Variants in CCNK observed in about 807,000 individuals in gnomAD.
The protein encoded by CCNK is cyclin-K.
In CCNK, 9 loss-of-function variants were observed where a neutral mutation model predicts 65.0. The observed-to-expected ratio is 0.14, with a 90% confidence interval of 0.08 to 0.24. The LOEUF (loss-of-function observed/expected upper bound fraction) is 0.24, where lower values mean the gene tolerates loss of function less well. CCNK is among the 10% of genes least tolerant of loss of function. CCNK has a pLI of 1.00. For missense variants in CCNK, 474 were observed against 720.0 expected, an observed-to-expected ratio of 0.66 and a Z score of 3.91; for synonymous variants, 279 against 270.8, an observed-to-expected ratio of 1.03 and a Z score of -0.30.
At chr14:99,481,815 C>G (rs1020931938) in intron 1 of CCNK, among the ~76,000 whole-genome samples, 1 of 152,234 alleles carries the variant, frequency 6.6e-6, no homozygotes, top group Non-Finnish European at 1.5e-5. Flanking sequence ...GTCTCACAGC[C>G]ACAGACTTCT....
intron 1 of CCNK, among the ~76,000 whole-genome samples, chr14:99,485,742 C>A (rs531391410): frequency 6.6e-6 from 1 of 152,270 alleles, no homozygotes; most frequent in South Asian, 2.1e-4. Flanking sequence ...TGCCTGTAAT[C>A]CCAGCTACTC....
At position 99,510,910 on chromosome 14, in the gene CCNK, C is replaced by CG; in HGVS notation, c.*131dup. 1.2e-6 allele frequency: 1 copy of CG among 827,458 alleles called. No homozygotes were observed. The highest frequency in any genetic ancestry group is 1.7e-6 in the Non-Finnish European group (1 of 604,858). The allele number at this position is 827,458 out of a possible 1,614,324, so 51.3% of individuals were successfully genotyped here. A position where few individuals can be genotyped will look rare whatever the true frequency, so the allele number is the denominator to read the frequency against. The stretch of plus-strand genomic sequence containing the variant: ...CAGTTGCAGTATGGGAAGAATGGAC[C>CG]GGGCCCCTGGGATAAAATCAGAGTG... On this transcript the variant is annotated 3_prime_UTR_variant, in exon 11 of 11. Coordinates refer to ENST00000389879, the MANE Select transcript of CCNK (RefSeq NM_001099402.2).
chr14:99,481,712 A>G lies in CCNK; in HGVS notation c.-53+233A>G, dbSNP rs3918036. On this transcript the variant is annotated intron_variant, in intron 1 of 10. Transcript: ENST00000389879. ...GGGGCAGGGAGGCCGGACTCACCCT[A>G]GAACTGGTAGCGGCCCTCGCACTGG... 89 of 381,828 alleles carry G rather than the reference A, an allele frequency of 2.3e-4. 1 individual carries two copies. The East Asian group carries it at 2.9e-3, about 12-fold the overall frequency. The allele number at this position is 381,828 out of a possible 1,614,324, so 23.7% of individuals were successfully genotyped here. A position where few individuals can be genotyped will look rare whatever the true frequency, so the allele number is the denominator to read the frequency against.
intron 4 of CCNK, among the ~76,000 whole-genome samples, chr14:99,497,294 C>G (rs997355739): frequency 6.6e-6 from 1 of 152,110 alleles, no homozygotes; most frequent in Non-Finnish European, 1.5e-5. Context: ...TTTTTACTGT[C>G]TCTATAGTTT....
chr14:99,495,483 T>A lies in CCNK; in HGVS notation c.280-15T>A. On this transcript the variant is annotated splice_polypyrimidine_tract_variant and intron_variant, in intron 3 of 10. Coordinates refer to ENST00000389879, the MANE Select transcript of CCNK (RefSeq NM_001099402.2). ...CTTTGATAACAAAAATCAAGAACTT[T>A]TGTTTCCCTTTTAGGTGACAGGAGC... The A allele has an allele frequency of 1.3e-6, 2 of 1,595,970 alleles. No individual in the cohort carries two copies. Among genetic ancestry groups the A allele is most frequent in the Non-Finnish European group, 1.7e-6 (2 of 1,174,792 alleles).
chr14:99,489,011 C>G (rs1387868924), intron 1 of CCNK, among the ~76,000 whole-genome samples: 1 of 151,818 alleles, frequency 6.6e-6, no homozygotes, highest in Admixed American at 6.6e-5. Context: ...GGCTCCAACC[C>G]CAGACTGGAA....
intron 5 of CCNK, chr14:99,501,147 G>GTTTTCCA (rs969603906): frequency 3.3e-6 from 2 of 602,394 alleles, no homozygotes; most frequent in Non-Finnish European, 5.8e-6. Context: ...TTGGAGCCAG[G>GTTTTCCA]TTTTCCATAC....
chr14:99,494,873 A>G (rs1896667881), intron 3 of CCNK: 1 of 152,244 alleles, frequency 6.6e-6, no homozygotes. Context: ...TCCTTGCCGC[A>G]TCCTCAAATG....
chr14:99,501,240 G>C, intron 5 of CCNK, 116 bp from the exon 6 acceptor site: 1 of 712,670 alleles, frequency 1.4e-6, no homozygotes, highest in Non-Finnish European at 2.5e-6. Flanking sequence ...CCACGCAAAA[G>C]CTCTTTGCTG....
Position 99,495,840 on chromosome 14 carries a change from CAGTAT to C in CCNK, c.411+212_411+216del, listed in dbSNP as rs3918071. ...ACTCAGTGCTTCCTTATGTGCCCAG[CAGTAT>C]TCTAAGTACTTTGGGGCAGTGGCAC... On this transcript the variant is annotated intron_variant, in intron 4 of 10. Transcript: ENST00000389879. Among the ~76,000 whole-genome samples, 15 of 152,292 alleles carry C rather than the reference CAGTAT, an allele frequency of 9.8e-5. No individual in the cohort carries two copies. The East Asian group carries it at 2.7e-3, about 27-fold the overall frequency.
At chr14:99,498,333 G>T (rs1896744978) in intron 4 of CCNK, among the ~76,000 whole-genome samples, 1 of 152,088 alleles carries the variant, frequency 6.6e-6, no homozygotes, top group Admixed American at 6.5e-5. Context: ...AATGGGGGAG[G>T]GGGCTTTGCA....
rs759488745 is a variant in CCNK, at chr14:99,507,033, TGAA to T, written c.1046-38_1046-36del. 28 of 1,140,800 alleles carry T rather than the reference TGAA, an allele frequency of 2.5e-5. No homozygotes were observed. In the Admixed American group the frequency reaches 4.5e-4, roughly 19 times the overall value. The allele number at this position is 1,140,800 out of a possible 1,614,324, so 70.7% of individuals were successfully genotyped here. On this transcript the variant is annotated intron_variant, in intron 9 of 10. Coordinates refer to ENST00000389879, the MANE Select transcript of CCNK (RefSeq NM_001099402.2). ...TTTCTTTATGACATGCTTATTCATG[TGAA>T]GAAGTATGAGTGGTTTTCTAATCTG...
chr14:99,486,337 C>T (rs1194469300), intron 1 of CCNK, among the ~76,000 whole-genome samples: 1 of 152,120 alleles, frequency 6.6e-6, no homozygotes, highest in African/African-American at 2.4e-5. Flanking sequence ...TCTGTTTTAC[C>T]TTCCTGTCAC....
chr14:99,511,117 T>C lies in CCNK; in HGVS notation c.*335T>C, dbSNP rs1047921195. ...ATAAATAGCTTCGGTAAGGAGTTAA[T>C]TTCCTTCTAGAAATCAGTGCCTATT... On this transcript the variant is annotated 3_prime_UTR_variant, in exon 11 of 11. Coordinates refer to ENST00000389879, the MANE Select transcript of CCNK (RefSeq NM_001099402.2). 1 of 190,638 alleles carries C rather than the reference T, an allele frequency of 5.2e-6. No homozygotes were observed. The highest frequency in any genetic ancestry group is 1.1e-5 in the Non-Finnish European group (1 of 93,574). The allele number at this position is 190,638 out of a possible 1,614,324, so 11.8% of individuals were successfully genotyped here. A position where few individuals can be genotyped will look rare whatever the true frequency, so the allele number is the denominator to read the frequency against.
In CCNK at chr14:99,510,844, T is replaced by C. The variant is rs1897113445; in HGVS notation, c.*62T>C. On this transcript the variant is annotated 3_prime_UTR_variant, in exon 11 of 11. Transcript: ENST00000389879. ...ATTTTCTAATCGACTTGCAGAGTAG[T>C]TGAAGTGGGTAAGCAGCAGGGTACC... The C allele has an allele frequency of 7.5e-7, 1 of 1,324,718 alleles. No homozygotes were observed. The highest frequency in any genetic ancestry group is 9.8e-7 in the Non-Finnish European group (1 of 1,019,640). 82.1% of individuals were successfully genotyped at this position (1,324,718 alleles called of 1,614,324 possible).
chr14:99,503,020 C>G, intron 8 of CCNK, 36 bp downstream of exon 8: 1 of 1,612,036 alleles, frequency 6.2e-7, no homozygotes, highest in African/African-American at 1.3e-5. Context: ...GTAGAGCAGG[C>G]TTTCCAGGTG....
rs755202901 is a variant in CCNK, at chr14:99,502,726, C to T, written c.753C>T (p.Cys251=). The T allele has an allele frequency of 3.1e-6, 5 of 1,612,698 alleles. No individual in the cohort carries two copies. The highest frequency in any genetic ancestry group is 2.7e-5 in the African/African-American group (2 of 74,978). Residue 251 remains cysteine, a synonymous_variant, in exon 8 of 11, where the codon TGC becomes TGT. Transcript: ENST00000389879. ...DVPVDVLEDI[C]HQILDLYSQG... ...TTGTTGGCTATCATTTAGACATCTG[C>T]CACCAAATCCTGGATCTTTACTCAC... is the stretch of plus-strand genomic sequence containing the variant.
chr14:99,510,259 C>CCGCCCCCCT lies in CCNK; in HGVS notation c.1220_1221insCGCCCCCCT (p.Pro409_Val410insLeuAlaPro). ...GTCCAGATTCCCCCTCCGGCCCACCCGGCCCCTGTGCACCAGCCACCGCCG... is the reference window on the plus strand; with the variant it reads ...GTCCAGATTCCCCCTCCGGCCCACCCCGCCCCCCTGGCCCCTGTGCACCAGCCACCGCCG... On this transcript the variant is annotated inframe_insertion, in exon 11 of 11. Transcript: ENST00000389879. 1 of 1,555,736 alleles carries CCGCCCCCCT rather than the reference C, an allele frequency of 6.4e-7. No individual in the cohort carries two copies. Among genetic ancestry groups the CCGCCCCCCT allele is most frequent in the Non-Finnish European group, 8.7e-7 (1 of 1,154,586 alleles).
chr14:99,487,686 G>C (rs200009266), intron 1 of CCNK, among the ~76,000 whole-genome samples: 1 of 152,200 alleles, frequency 6.6e-6, no homozygotes, highest in South Asian at 2.1e-4. Flanking sequence ...ATCTTTGGGA[G>C]GATAGTCACT....
Sources: gnomAD v4.1 joint callset for allele counts (sites outside exome capture counted in the v4.1 genomes callset) on GRCh38, gnomAD v4.1.1 for gene constraint, MANE v1.5 for transcripts, NCBI Gene and HGNC (gene_info 2026-07-23, HGNC 2026-07-21) for gene names.